The following LEPR variants were observed in gnomAD, a reference collection of about 807,000 sequenced individuals.
The protein encoded by LEPR is OB receptor.
A neutral mutation model predicts 114.7 loss-of-function variants in LEPR; 56 were observed. The observed-to-expected ratio is 0.49, with a 90% CI of 0.39 to 0.61. The LOEUF is 0.61. Among genes scored for constraint, LEPR ranks in the 20% least tolerant of loss-of-function variants. The probability of loss-of-function intolerance (pLI) is 0.00; values close to 1 mark genes in which losing one functional copy is unlikely to be tolerated. For missense variants in LEPR, 1,202 were observed against 1,352.9 expected (o/e 0.89, Z 1.75); for synonymous variants, 443 against 461.4 (o/e 0.96, Z 0.51).
In LEPR at chr1:65,530,904, C is replaced by T. The variant is rs138145083; in HGVS notation, c.-20-34642C>T. Reference sequence around the variant, plus strand: ...TAGTACAAGGTGCCATCAACTCTCACGTGAGTTATTGCAAGGACCTCCAAA... The same window carrying T: ...TAGTACAAGGTGCCATCAACTCTCATGTGAGTTATTGCAAGGACCTCCAAA... On this transcript the variant is annotated intron_variant, in intron 2 of 19. Transcript: ENST00000349533. 1.2e-4 allele frequency among the ~76,000 whole-genome samples: 19 copies of T among 152,282 alleles called. No homozygotes were observed. The East Asian group carries it at 2.9e-3, about 23-fold the overall frequency.
intron 2 of LEPR, among the ~76,000 whole-genome samples, chr1:65,509,560 T>C (rs1648928375): frequency 6.6e-6 from 1 of 152,172 alleles, no homozygotes; most frequent in Non-Finnish European, 1.5e-5. Flanking sequence ...TTTTACAGTA[T>C]CTTATGCTTG....
intron 2 of LEPR, among the ~76,000 whole-genome samples, chr1:65,456,181 C>T (rs1273466175): frequency 6.6e-6 from 1 of 152,038 alleles, no homozygotes; most frequent in African/African-American, 2.4e-5. Flanking sequence ...CGCCCACTGT[C>T]TGGCACTCCC....
intron 2 of LEPR, among the ~76,000 whole-genome samples, chr1:65,517,790 C>T (rs1480816173): frequency 6.6e-6 from 1 of 152,184 alleles, no homozygotes; most frequent in African/African-American, 2.4e-5. Flanking sequence ...ATGAAGAGTG[C>T]ATTGTCTTAC....
chr1:65,602,201 C>T (rs975864477), intron 10 of LEPR, among the ~76,000 whole-genome samples: 2 of 151,958 alleles, frequency 1.3e-5, no homozygotes, highest in African/African-American at 4.8e-5. Flanking sequence ...GAAAATCAAT[C>T]AATTCTGAAA....
intron 2 of LEPR, among the ~76,000 whole-genome samples, chr1:65,536,658 C>G (rs1442692857): frequency 6.6e-6 from 1 of 151,752 alleles, no homozygotes; most frequent in Non-Finnish European, 1.5e-5. Context: ...TCAAAGATTT[C>G]GGTTAAGGGA....
intron 2 of LEPR, among the ~76,000 whole-genome samples, chr1:65,559,756 G>C (rs1360872482): frequency 3.7e-5 from 5 of 136,538 alleles, no homozygotes; most frequent in Non-Finnish European, 1.6e-5. Context: ...TCCAGTTTCA[G>C]CTTCCTACAT....
chr1:65,614,910 T>C (rs776133025), intron 14 of LEPR, among the ~76,000 whole-genome samples: 26 of 152,068 alleles, frequency 1.7e-4, no homozygotes, highest in African/African-American at 5.6e-4. Flanking sequence ...AATTTTAGGG[T>C]TGGGGCAGAA....
intron 2 of LEPR, among the ~76,000 whole-genome samples, chr1:65,456,474 G>A (rs1296029700): frequency 1.3e-5 from 2 of 152,052 alleles, no homozygotes; most frequent in African/African-American, 4.8e-5. Flanking sequence ...TGATGTTTTT[G>A]CCTCTCATTT....
chr1:65,424,354 A>G (rs903768120), intron 1 of LEPR, among the ~76,000 whole-genome samples: 1 of 152,238 alleles, frequency 6.6e-6, no homozygotes, highest in Non-Finnish European at 1.5e-5. Flanking sequence ...AGTTCTGGAT[A>G]TAATTTAAAG....
chr1:65,455,486 G>A (rs1429946843), intron 2 of LEPR, among the ~76,000 whole-genome samples: 2 of 152,202 alleles, frequency 1.3e-5, no homozygotes, highest in South Asian at 4.1e-4. Flanking sequence ...CTGTTTGTTA[G>A]TTTTCCTTCT....
intron 2 of LEPR, among the ~76,000 whole-genome samples, chr1:65,530,574 C>T (rs1190497065): frequency 6.6e-6 from 1 of 152,132 alleles, no homozygotes; most frequent in Non-Finnish European, 1.5e-5. Flanking sequence ...TGGGTAACTT[C>T]CTGACATTGC....
chr1:65,536,671 C>A (rs1650803589), intron 2 of LEPR, among the ~76,000 whole-genome samples: 1 of 151,892 alleles, frequency 6.6e-6, no homozygotes, highest in Admixed American at 6.6e-5. Context: ...TTAAGGGATT[C>A]TTATTCATAT....
At position 65,550,228 on chromosome 1, in the gene LEPR, G is replaced by T. The variant is rs1437854222; in HGVS notation, c.-20-15318G>T. 2.0e-5 allele frequency among the ~76,000 whole-genome samples: 3 copies of T among 152,286 alleles called. No homozygotes were observed. The East Asian group carries it at 5.8e-4, about 29-fold the overall frequency. On this transcript the variant is annotated intron_variant, in intron 2 of 19. Coordinates refer to ENST00000349533, the MANE Select transcript of LEPR (RefSeq NM_002303.6). ...GGAGGTGTCGGTCTGCCCCTACTGG[G>T]GGGTGCCTCCCAGTTAGGCTGCTCG...
chr1:65,593,301 C>G (rs1173526773), intron 6 of LEPR, among the ~76,000 whole-genome samples: 1 of 151,916 alleles, frequency 6.6e-6, no homozygotes, highest in Non-Finnish European at 1.5e-5. Flanking sequence ...AGAGCAGGGA[C>G]AAACAATAGT....
intron 2 of LEPR, among the ~76,000 whole-genome samples, chr1:65,469,787 C>A (rs951531301): frequency 6.6e-6 from 1 of 152,222 alleles, no homozygotes; most frequent in Non-Finnish European, 1.5e-5. Context: ...GCTGTGGACA[C>A]TGAGCTTTAA....
chr1:65,573,221 G>A (rs751281758), intron 5 of LEPR, among the ~76,000 whole-genome samples: 31 of 152,270 alleles, frequency 2.0e-4, no homozygotes, highest in South Asian at 1.0e-3. Context: ...ATATGCCTGC[G>A]CACTACTCGC....
At chr1:65,599,844 T>A (rs1656326419) in intron 8 of LEPR, among the ~76,000 whole-genome samples, 1 of 152,170 alleles carries the variant, frequency 6.6e-6, no homozygotes, top group South Asian at 2.1e-4. Flanking sequence ...GTATCTATAT[T>A]ATTAAAATTT....
At chr1:65,616,376 A>G in intron 15 of LEPR, 152 bp downstream of exon 15, 1 of 837,362 alleles carries the variant, frequency 1.2e-6, no homozygotes, top group Non-Finnish European at 1.9e-6. Context: ...TGGAAAAATA[A>G]CAAAGTACAT....
At chr1:65,490,720 A>C (rs1297310962) in intron 2 of LEPR, among the ~76,000 whole-genome samples, 1 of 152,108 alleles carries the variant, frequency 6.6e-6, no homozygotes, top group Non-Finnish European at 1.5e-5. Flanking sequence ...AAAATGGCCC[A>C]TCTTGAGTAT....
Sources: gnomAD v4.1 joint callset for allele counts (sites outside exome capture counted in the v4.1 genomes callset) on GRCh38, gnomAD v4.1.1 for gene constraint, MANE v1.5 for transcripts, NCBI Gene and HGNC (gene_info 2026-07-23, HGNC 2026-07-21) for gene names.